PDCD2: variants seen among roughly 807,000 people sequenced by gnomAD.
PDCD2 encodes the protein programmed cell death 2.
In PDCD2, 38 loss-of-function variants were observed where a neutral mutation model predicts 38.1. That is an observed-to-expected ratio of 1.00 (90% CI 0.77 to 1.31). The LOEUF is 1.31. Among genes scored for constraint, PDCD2 ranks in the 50% most tolerant of loss-of-function variants. PDCD2 has a pLI of 0.00. For synonymous variants in PDCD2, 205 were observed against 168.9 expected, an observed-to-expected ratio of 1.21 and a Z score of -1.66; for missense variants, 473 against 435.7, an observed-to-expected ratio of 1.09 and a Z score of -0.76.
In PDCD2 at chr6:170,575,586, T is replaced by A. The variant is rs536992068; in HGVS notation, c.*1973A>T. ...CTTCACATTTCTAAAGGCAACTTGC[T>A]TAATGCATTTTTTAATTTAAATTTT... On this transcript the variant is annotated 3_prime_UTR_variant, in exon 6 of 6. Transcript: ENST00000541970. 1 of 152,380 alleles carries A rather than the reference T, an allele frequency of 6.6e-6. No individual in the cohort carries two copies. Among genetic ancestry groups the A allele is most frequent in the African/African-American group, 2.4e-5 (1 of 41,598 alleles). The allele number at this position is 152,380 out of a possible 1,614,324, so 9.4% of individuals were successfully genotyped here.
rs763390393 is a variant in PDCD2, at chr6:170,584,301, C to T, written c.281G>A (p.Arg94Gln). ...CCCGACCCCGTTTGGCGGCTCACCT[C>T]GCAGGCCGGCACAGCACGGCTGCTC... ...CREQPCCAGL[R>Q]VFRNQLPRKN... Residue 94 changes from arginine (R) to glutamine (Q), a missense_variant and splice_region_variant, in exon 1 of 6, where the codon CGA becomes CAA. Coordinates refer to ENST00000541970, the MANE Select transcript of PDCD2 (RefSeq NM_002598.4). The T allele has an allele frequency of 6.9e-7, 1 of 1,450,444 alleles. No homozygotes were observed. Among genetic ancestry groups the T allele is most frequent in the South Asian group, 1.4e-5 (1 of 70,504 alleles). The allele number at this position is 1,450,444 out of a possible 1,614,324, so 89.8% of individuals were successfully genotyped here.
chr6:170,577,339 A>G lies in PDCD2; in HGVS notation c.*220T>C. The G allele has an allele frequency of 2.0e-6, 1 of 494,476 alleles. No individual in the cohort carries two copies. The highest frequency in any genetic ancestry group is 3.6e-6 in the Non-Finnish European group (1 of 274,046). 30.6% of individuals were successfully genotyped at this position (494,476 alleles called of 1,614,324 possible). A position where few individuals can be genotyped will look rare whatever the true frequency, so the allele number is the denominator to read the frequency against. On this transcript the variant is annotated 3_prime_UTR_variant, in exon 6 of 6. Transcript: ENST00000541970. ...GTCTGTTGTCAATATAGGTGTTATA[A>G]TTAAGACTGTGTAGCCTTCCTCTGT...
At chr6:170,582,954 AAAGT>A in intron 3 of PDCD2, 99 bp downstream of exon 3, 1 of 1,515,806 alleles carries the variant, frequency 6.6e-7, no homozygotes, top group Non-Finnish European at 8.8e-7. Context: ...TACAGCCTCC[AAAGT>A]GAGTCTTCCT....
chr6:170,579,157 G>T, intron 4 of PDCD2, 187 bp from the exon 5 acceptor site: 1 of 548,446 alleles, frequency 1.8e-6, no homozygotes, highest in African/African-American at 1.9e-5. Flanking sequence ...TCACCTCAAA[G>T]TGATTATTTC....
chr6:170,577,459 C>T lies in PDCD2; in HGVS notation c.*100G>A. 1 of 978,766 alleles carries T rather than the reference C, an allele frequency of 1.0e-6. No homozygotes were observed. The allele number at this position is 978,766 out of a possible 1,614,324, so 60.6% of individuals were successfully genotyped here. On this transcript the variant is annotated 3_prime_UTR_variant, in exon 6 of 6. Transcript: ENST00000541970. ...TAAGCAATCTGTCAACATCTCTGCACCTCTATTTTTGGTATAAGTATTTCC... is the reference window on the plus strand; with the variant it reads ...TAAGCAATCTGTCAACATCTCTGCATCTCTATTTTTGGTATAAGTATTTCC...
chr6:170,579,927 G>A (rs560790213), intron 4 of PDCD2, 75 bp downstream of exon 4: 2 of 816,374 alleles, frequency 2.4e-6, no homozygotes, highest in East Asian at 4.9e-5. Flanking sequence ...TTACTATGAA[G>A]TTATTTCTTA....
intron 3 of PDCD2, chr6:170,582,212 C>T (rs1295769217): frequency 6.9e-7 from 1 of 1,449,300 alleles, no homozygotes; most frequent in South Asian, 1.2e-5. Context: ...TATTTGGGCT[C>T]CTCCATAAGA....
At chr6:170,579,203 C>T (rs1779527552) in intron 4 of PDCD2, 2 of 483,036 alleles carry the variant, frequency 4.1e-6, no homozygotes, top group Non-Finnish European at 7.2e-6. Context: ...AAATATATCT[C>T]CCAGATGATG....
chr6:170,577,833 G>T (rs529101148), intron 5 of PDCD2, 116 bp from the exon 6 acceptor site: 1 of 858,276 alleles, frequency 1.2e-6, no homozygotes, highest in South Asian at 1.8e-5. Context: ...TACAAAGCAG[G>T]ATTATAGACA....
rs1206492784 is a variant in PDCD2 at position 170,576,627 on chromosome 6, G to A, written c.*932C>T. ...AAACAGATGTATCAGAAACATAATA[G>A]GCCAAGGGTCAGCCCTTTGAAAACT... is the stretch of plus-strand genomic sequence containing the variant. On this transcript the variant is annotated 3_prime_UTR_variant, in exon 6 of 6. Transcript: ENST00000541970. 2 of 152,224 alleles carry A rather than the reference G, an allele frequency of 1.3e-5. No homozygotes were observed. Among genetic ancestry groups the A allele is most frequent in the African/African-American group, 4.8e-5 (2 of 41,448 alleles). 9.4% of individuals were successfully genotyped at this position (152,224 alleles called of 1,614,324 possible).
chr6:170,579,873 T>G, intron 4 of PDCD2, 129 bp downstream of exon 4: 1 of 615,808 alleles, frequency 1.6e-6, no homozygotes, highest in East Asian at 2.7e-5. Flanking sequence ...TCTAACAAGA[T>G]AACAAAAGCC....
chr6:170,584,355 T>A lies in PDCD2; in HGVS notation c.227A>T (p.His76Leu). ...APLPGRPDAF[H>L]RCIFLFCCRE... The stretch of plus-strand genomic sequence containing the variant: ...GCAGCAGAAGAGGAAGATGCAGCGG[T>A]GGAAGGCGTCCGGGCGGCCAGGCAG... Residue 76 changes from histidine to leucine, a missense_variant, in exon 1 of 6, where the codon CAC becomes CTC. Transcript: ENST00000541970. 1 of 1,496,626 alleles carries A rather than the reference T, an allele frequency of 6.7e-7. No individual in the cohort carries two copies. The highest frequency in any genetic ancestry group is 1.3e-5 in the South Asian group (1 of 78,380). 92.7% of individuals were successfully genotyped at this position (1,496,626 alleles called of 1,614,324 possible).
intron 5 of PDCD2, 182 bp downstream of exon 5, chr6:170,578,675 C>T (rs913005278): frequency 1.4e-6 from 1 of 704,514 alleles, no homozygotes; most frequent in Non-Finnish European, 2.6e-6. Flanking sequence ...CAGAAAAAAA[C>T]AAGACAGTTC....
Position 170,580,108 on chromosome 6 carries a change from G to GA in PDCD2, c.659-4dup, listed in dbSNP as rs1037937963. ...CAGTTCTTCCTCAAGTGCTTCACCTGAAAAATCAACGTAACTATTATGAAA... is the reference window on the plus strand; with the variant it reads ...CAGTTCTTCCTCAAGTGCTTCACCTGAAAAAATCAACGTAACTATTATGAAA... On this transcript the variant is annotated splice_region_variant and splice_polypyrimidine_tract_variant and intron_variant, in intron 3 of 5. Coordinates refer to ENST00000541970, the MANE Select transcript of PDCD2 (RefSeq NM_002598.4). 2 of 1,569,022 alleles carry GA rather than the reference G, an allele frequency of 1.3e-6. No homozygotes were observed. The highest frequency in any genetic ancestry group is 1.8e-6 in the Non-Finnish European group (2 of 1,140,812).
Position 170,583,687 on chromosome 6 carries a change from T to G in PDCD2, c.344A>C (p.Asn115Thr). 1 of 1,613,490 alleles carries G rather than the reference T, an allele frequency of 6.2e-7. No homozygotes were observed. Among genetic ancestry groups the G allele is most frequent in the African/African-American group, 1.3e-5 (1 of 75,026 alleles). The change falls in exon 2 of 6, where the codon AAT becomes ACT. Residue 115 changes from asparagine (N) to threonine (T), a missense_variant. Physicochemically the swap from Asn to Thr is moderately conservative, Grantham distance 65 (BLOSUM62 0). Coordinates refer to ENST00000541970, the MANE Select transcript of PDCD2 (RefSeq NM_002598.4). ...TGATTCTCCTGTTTCTGGGGGAGGA[T>G]TCTCAGAAGGTGGCTCATATGAGTA... ...DFYSYEPPSE[N>T]PPPETGESVC...
intron 4 of PDCD2, chr6:170,579,797 G>C (rs754039546): frequency 2.2e-6 from 1 of 461,622 alleles, no homozygotes; most frequent in Non-Finnish European, 3.9e-6. Flanking sequence ...TAGTCTTTTA[G>C]TAACTATTAA....
intron 5 of PDCD2, 63 bp from the exon 6 acceptor site, chr6:170,577,780 A>C: frequency 1.5e-5 from 23 of 1,501,328 alleles, no homozygotes; most frequent in Non-Finnish European, 2.0e-5. Flanking sequence ...AGACCTTCTC[A>C]GCCAGGATGA....
chr6:170,584,570 G>C lies in PDCD2; in HGVS notation c.12C>G (p.Ala4=). ...AGCCCAGCTCCACAGGCCTGGCCCC[G>C]GCGGCAGCCATGCGGGGCGCGGGCT... MAA[A]GARPVELGFA... The change falls in exon 1 of 6, where the codon GCC becomes GCG. Residue 4 remains alanine, a synonymous_variant. Coordinates refer to ENST00000541970, the MANE Select transcript of PDCD2 (RefSeq NM_002598.4). 7.8e-7 allele frequency: 1 copy of C among 1,280,828 alleles called. No individual in the cohort carries two copies. Among genetic ancestry groups the C allele is most frequent in the Non-Finnish European group, 9.8e-7 (1 of 1,017,108 alleles). The allele number at this position is 1,280,828 out of a possible 1,614,324, so 79.3% of individuals were successfully genotyped here.
At chr6:170,584,082 G>T in intron 1 of PDCD2, 1 of 496,860 alleles carries the variant, frequency 2.0e-6, no homozygotes, top group Non-Finnish European at 3.4e-6. Context: ...AAAGCTGGGG[G>T]TTACCAATGC....
Sources: allele counts gnomAD v4.1 joint callset, GRCh38; gene constraint gnomAD v4.1.1; transcripts MANE v1.5; gene names NCBI Gene and HGNC (gene_info 2026-07-23, HGNC 2026-07-21).